The following NPFFR2 variants were observed in gnomAD, a reference collection of about 807,000 sequenced individuals.
NPFFR2 encodes neuropeptide FF receptor 2.
NPFFR2 carries 15 observed loss-of-function variants against 13.1 expected under a neutral mutation model. The observed-to-expected ratio is 1.15, with a 90% CI of 0.77 to 1.76. The LOEUF is 1.76. NPFFR2 is among the 40% of genes most tolerant of loss of function. NPFFR2 has a pLI of 0.00. For synonymous variants in NPFFR2, 190 were observed against 175.7 expected, an observed-to-expected ratio of 1.08 and a Z score of -0.65; for missense variants, 572 against 503.5, an observed-to-expected ratio of 1.14 and a Z score of -1.30.
At chr4:72,089,669 G>T (rs1473703522) in intron 1 of NPFFR2, among the ~76,000 whole-genome samples, 1 of 151,534 alleles carries the variant, frequency 6.6e-6, no homozygotes, top group African/African-American at 2.4e-5. Context: ...TTTATGATGG[G>T]ATTTTTTTCT....
At chr4:72,116,937 C>T (rs1166472175) in intron 1 of NPFFR2, among the ~76,000 whole-genome samples, 3 of 152,074 alleles carry the variant, frequency 2.0e-5, no homozygotes, top group Admixed American at 1.3e-4. Flanking sequence ...AAGTAAAACC[C>T]CCTACCCCAA....
At chr4:72,075,197 G>A (rs1164198418) in intron 1 of NPFFR2, among the ~76,000 whole-genome samples, 3 of 152,068 alleles carry the variant, frequency 2.0e-5, no homozygotes, top group Admixed American at 1.3e-4. Context: ...GGTGAGACTG[G>A]CCTGGCCTAC....
chr4:72,145,871 A>G (rs1408108493), intron 3 of NPFFR2, among the ~76,000 whole-genome samples: 4 of 152,204 alleles, frequency 2.6e-5, no homozygotes, highest in African/African-American at 7.2e-5. Flanking sequence ...AAAAAATATA[A>G]AATGTTACAC....
chr4:72,054,067 A>T (rs1719669359), intron 1 of NPFFR2, among the ~76,000 whole-genome samples: 1 of 151,974 alleles, frequency 6.6e-6, no homozygotes, highest in African/African-American at 2.4e-5. Context: ...TGATCTATAG[A>T]CACTATTGAT....
chr4:72,044,469 A>G (rs974721634), intron 1 of NPFFR2, among the ~76,000 whole-genome samples: 15 of 152,210 alleles, frequency 9.9e-5, no homozygotes, highest in African/African-American at 3.6e-4. Context: ...CTTTGAATCT[A>G]TGAACATGGA....
intron 1 of NPFFR2, among the ~76,000 whole-genome samples, chr4:72,056,381 T>G (rs1209762654): frequency 6.6e-6 from 1 of 152,034 alleles, no homozygotes; most frequent in East Asian, 1.9e-4. Flanking sequence ...CAGCCCACTA[T>G]GGAGACCTAC....
chr4:72,086,744 T>C (rs2109797902), intron 1 of NPFFR2, among the ~76,000 whole-genome samples: 1 of 152,208 alleles, frequency 6.6e-6, no homozygotes, highest in East Asian at 1.9e-4. Context: ...TGGATCCCCT[T>C]AAATAAAAAA....
intron 1 of NPFFR2, among the ~76,000 whole-genome samples, chr4:72,098,784 G>C (rs2109807972): frequency 6.6e-6 from 1 of 152,288 alleles, no homozygotes; most frequent in Non-Finnish European, 1.5e-5. Flanking sequence ...AAATGGATGG[G>C]AGAGACAGAC....
intron 1 of NPFFR2, among the ~76,000 whole-genome samples, chr4:72,078,794 C>T (rs1184755299): frequency 6.6e-6 from 1 of 151,976 alleles, no homozygotes; most frequent in Non-Finnish European, 1.5e-5. Flanking sequence ...AATGTAAAAG[C>T]AATTCAGTGG....
At chr4:72,063,260 T>C (rs1490331840) in intron 1 of NPFFR2, among the ~76,000 whole-genome samples, 1 of 152,194 alleles carries the variant, frequency 6.6e-6, no homozygotes, top group Admixed American at 6.5e-5. Flanking sequence ...GTCTAAAGAA[T>C]TTATTCATTG....
chr4:72,057,010 G>T (rs1719769433), intron 1 of NPFFR2, among the ~76,000 whole-genome samples: 1 of 151,886 alleles, frequency 6.6e-6, no homozygotes, highest in Non-Finnish European at 1.5e-5. Flanking sequence ...CAAAGGATTT[G>T]TATATAAATG....
chr4:72,103,606 GT>G (rs932408312), intron 1 of NPFFR2, among the ~76,000 whole-genome samples: 1 of 151,898 alleles, frequency 6.6e-6, no homozygotes, highest in Admixed American at 6.6e-5. Context: ...CTTCATTGGA[GT>G]CCAATATTGC....
At chr4:72,133,929 A>G (rs1722328187) in intron 2 of NPFFR2, among the ~76,000 whole-genome samples, 1 of 140,632 alleles carries the variant, frequency 7.1e-6, no homozygotes, top group Non-Finnish European at 1.6e-5. Flanking sequence ...TCCCATACAT[A>G]TTTTAAATTA....
At chr4:72,057,795 C>G (rs1719796055) in intron 1 of NPFFR2, among the ~76,000 whole-genome samples, 1 of 151,904 alleles carries the variant, frequency 6.6e-6, no homozygotes, top group South Asian at 2.1e-4. Flanking sequence ...ATGGAGAGAC[C>G]TGGCAAATCA....
rs144807812 is a variant in NPFFR2, at chr4:72,111,680, C to A, written c.-7-16905C>A. Among the ~76,000 whole-genome samples the A allele has an allele frequency of 5.7e-3, 868 of 152,092 alleles. 4 individuals are homozygous for A. Among genetic ancestry groups the A allele is most frequent in the Non-Finnish European group, 1.0e-2 (677 of 67,944 alleles). ...TTCCAAAAGTCACCGTTCAGCATGGCCAGTTAAAACTCCAGGAAGGGTGAT... is the reference window on the plus strand; with the variant it reads ...TTCCAAAAGTCACCGTTCAGCATGGACAGTTAAAACTCCAGGAAGGGTGAT... On this transcript the variant is annotated intron_variant, in intron 1 of 3. Transcript: ENST00000308744.
intron 1 of NPFFR2, among the ~76,000 whole-genome samples, chr4:72,049,709 T>C (rs1166225480): frequency 1.3e-5 from 2 of 151,072 alleles, no homozygotes; most frequent in African/African-American, 4.9e-5. Flanking sequence ...CAAATATCTA[T>C]TGAGATATTG....
At chr4:72,112,043 AG>A (rs1721580458) in intron 1 of NPFFR2, among the ~76,000 whole-genome samples, 1 of 152,064 alleles carries the variant, frequency 6.6e-6, no homozygotes, top group Non-Finnish European at 1.5e-5. Flanking sequence ...TATTTGCAAA[AG>A]GCCTATGATT....
chr4:72,147,635 T>G lies in NPFFR2; in HGVS notation c.1086T>G (p.Ala362=), dbSNP rs766917484. Residue 362 remains alanine (A), a synonymous_variant, in exon 4 of 4, where the codon GCT becomes GCG. Transcript: ENST00000308744. ...LCQKRAKPME[A]YALKAKSHVL... ...AAAAAAGAGCAAAGCCTATGGAAGC[T>G]TATGCCCTAAAAGCTAAAAGCCATG... is the stretch of plus-strand genomic sequence containing the variant. 1.1e-5 allele frequency: 18 copies of G among 1,614,140 alleles called. No homozygotes were observed. Among genetic ancestry groups the G allele is most frequent in the Non-Finnish European group, 1.5e-5 (18 of 1,180,028 alleles).
intron 1 of NPFFR2, among the ~76,000 whole-genome samples, chr4:72,119,235 T>C (rs948220411): frequency 6.6e-6 from 1 of 152,160 alleles, no homozygotes; most frequent in African/African-American, 2.4e-5. Flanking sequence ...TGCAAGGATA[T>C]GGGCAAAAAA....
Sources: gnomAD v4.1 joint callset for allele counts (sites outside exome capture counted in the v4.1 genomes callset) on GRCh38, gnomAD v4.1.1 for gene constraint, MANE v1.5 for transcripts, NCBI Gene and HGNC (gene_info 2026-07-23, HGNC 2026-07-21) for gene names.